The following MSANTD5 variants were observed in gnomAD, a reference collection of about 807,000 sequenced individuals.
MSANTD5 encodes Myb/SANT DNA binding domain containing 5.
chr5:178,696,369 C>G (rs1205046412), intron 1 of MSANTD5, among the ~76,000 whole-genome samples, 188 bp from the exon 2 acceptor site: 6 of 151,900 alleles, frequency 3.9e-5, no homozygotes, highest in Non-Finnish European at 5.9e-5. Flanking sequence ...ATTACAGGCA[C>G]GCACCACCAC....
chr5:178,706,683 CA>C, the MSANTD5 span, among the ~76,000 whole-genome samples: 1 of 148,162 alleles, frequency 6.7e-6, no homozygotes, highest in Non-Finnish European at 1.5e-5. Flanking sequence ...CTCCAGCTAG[CA>C]TAAGACTCTG....
chr5:178,706,891 A>G, the MSANTD5 span: 1 of 152,112 alleles, frequency 6.6e-6, no homozygotes, highest in African/African-American at 2.4e-5. Flanking sequence ...GAAGTTCCAC[A>G]TTCTCAGTTT....
downstream of MSANTD5, among the ~76,000 whole-genome samples, chr5:178,691,799 C>A (rs907192867): frequency 1.5e-5 from 2 of 136,722 alleles, 1 homozygote; most frequent in African/African-American, 5.2e-5. Flanking sequence ...TGCTCCGTAT[C>A]ATCAGCCGCC....
the MSANTD5 span, among the ~76,000 whole-genome samples, chr5:178,703,475 T>C: frequency 1.3e-5 from 2 of 152,176 alleles, no homozygotes; most frequent in Non-Finnish European, 2.9e-5. Context: ...TATATGCCTA[T>C]AAAGGGAGTG....
At chr5:178,699,357 T>C (rs1331789062), upstream of MSANTD5, among the ~76,000 whole-genome samples, 1 of 152,224 alleles carries the variant, frequency 6.6e-6, no homozygotes, top group Admixed American at 6.5e-5. Flanking sequence ...AATGCAGAAA[T>C]AATTCCTGAA....
upstream of MSANTD5, among the ~76,000 whole-genome samples, chr5:178,701,464 G>A (rs1403694661): frequency 2.6e-5 from 4 of 151,870 alleles, no homozygotes; most frequent in East Asian, 5.8e-4. Context: ...AGGAAGGTCC[G>A]CACAGGTCAC....
rs1177823137 is a variant in MSANTD5 at position 178,696,609 on chromosome 5, TG to T, written c.7-429del. On this transcript the variant is annotated intron_variant, in intron 1 of 3. Coordinates refer to ENST00000648368, the Ensembl canonical transcript of MSANTD5. ...CACTGGACAAGGGCGCGTGGGACAG[TG>T]GAGTGAAGGCAGGAAACAAGGGTTG... is the stretch of plus-strand genomic sequence containing the variant. 2.0e-5 allele frequency among the ~76,000 whole-genome samples: 3 copies of T among 151,710 alleles called. No homozygotes were observed. The East Asian group carries it at 5.8e-4, about 29-fold the overall frequency.
chr5:178,703,693 A>G, the MSANTD5 span, among the ~76,000 whole-genome samples: 3 of 151,910 alleles, frequency 2.0e-5, no homozygotes, highest in African/African-American at 7.2e-5. Context: ...AAGAAAAGAC[A>G]AATATTTGGC....
upstream of MSANTD5, among the ~76,000 whole-genome samples, chr5:178,700,529 G>T (rs1023685186): frequency 1.3e-5 from 2 of 152,128 alleles, no homozygotes; most frequent in African/African-American, 4.8e-5. Flanking sequence ...GGCCACCTTG[G>T]TCCTGCCCCA....
At chr5:178,698,524 G>T (rs1765444228), upstream of MSANTD5, among the ~76,000 whole-genome samples, 1 of 152,138 alleles carries the variant, frequency 6.6e-6, no homozygotes, top group Admixed American at 6.5e-5. Flanking sequence ...TTTAGCTCAT[G>T]ATAGCGTCTG....
At chr5:178,701,474 CACACTGG>C (rs1163891733), upstream of MSANTD5, among the ~76,000 whole-genome samples, 1 of 151,802 alleles carries the variant, frequency 6.6e-6, no homozygotes, top group African/African-American at 2.4e-5. Context: ...GCACAGGTCA[CACACTGG>C]ACAGGTTTCC....
the MSANTD5 span, among the ~76,000 whole-genome samples, chr5:178,706,439 G>A: frequency 6.6e-6 from 1 of 152,042 alleles, no homozygotes; most frequent in Non-Finnish European, 1.5e-5. Flanking sequence ...TGGGATGGTG[G>A]CAGAGGGGGT....
the MSANTD5 span, among the ~76,000 whole-genome samples, chr5:178,702,702 ATTC>A: frequency 1.3e-5 from 2 of 151,674 alleles, no homozygotes; most frequent in African/African-American, 4.8e-5. Flanking sequence ...GGTTCAAGCA[ATTC>A]TTCTGCCTCA....
chr5:178,698,304 T>C (rs1344738197), upstream of MSANTD5, among the ~76,000 whole-genome samples: 2 of 152,042 alleles, frequency 1.3e-5, no homozygotes, highest in Non-Finnish European at 2.9e-5. Flanking sequence ...AGAGGGATAT[T>C]GGAGGGTGGT....
chr5:178,700,298 C>G (rs1202116581), upstream of MSANTD5, among the ~76,000 whole-genome samples: 1 of 152,182 alleles, frequency 6.6e-6, no homozygotes, highest in Non-Finnish European at 1.5e-5. Context: ...TGGATCTTGT[C>G]TACAGGTGAA....
downstream of MSANTD5, among the ~76,000 whole-genome samples, chr5:178,692,315 G>A (rs545982272): frequency 1.3e-5 from 2 of 150,778 alleles, no homozygotes; most frequent in South Asian, 2.1e-4. Context: ...CAGGGACAGA[G>A]GTTGCAGTGA....
the MSANTD5 span, among the ~76,000 whole-genome samples, chr5:178,706,740 T>C: frequency 6.6e-6 from 1 of 151,990 alleles, no homozygotes; most frequent in African/African-American, 2.4e-5. Flanking sequence ...GAGAAGACTC[T>C]GGGTGTATTT....
At chr5:178,706,173 A>G in the MSANTD5 span, among the ~76,000 whole-genome samples, 1 of 152,024 alleles carries the variant, frequency 6.6e-6, no homozygotes, top group Non-Finnish European at 1.5e-5. Context: ...GGTGTGGTTG[A>G]TTTTCATATG....
chr5:178,700,699 C>G (rs1447851322), upstream of MSANTD5, among the ~76,000 whole-genome samples: 3 of 122,714 alleles, frequency 2.4e-5, no homozygotes, highest in African/African-American at 5.6e-5. Flanking sequence ...TCAGAGGGTC[C>G]CAGGTGGGTC....
Sources: allele counts gnomAD v4.1 joint callset (sites outside exome capture counted in the v4.1 genomes callset), GRCh38; gene constraint gnomAD v4.1.1; transcripts MANE v1.5; gene names NCBI Gene and HGNC (gene_info 2026-07-23, HGNC 2026-07-21).